Variants in CEP85L observed in about 807,000 individuals in gnomAD.
CEP85L encodes the protein centrosomal protein of 85 kDa-like.
In CEP85L, 60 loss-of-function variants were observed where a neutral mutation model predicts 100.3. The observed-to-expected ratio is 0.60, with a 90% confidence interval of 0.49 to 0.74. The LOEUF (loss-of-function observed/expected upper bound fraction) is 0.74, where lower values mean the gene tolerates loss of function less well. CEP85L is among the 30% of genes least tolerant of loss of function. The pLI is 0.00. For synonymous variants in CEP85L, 319 were observed against 322.7 expected, an observed-to-expected ratio of 0.99 and a Z score of 0.12; for missense variants, 973 against 936.2, an observed-to-expected ratio of 1.04 and a Z score of -0.51.
chr6:118,600,665 C>A (rs992334564), intron 2 of CEP85L, among the ~76,000 whole-genome samples: 1 of 151,656 alleles, frequency 6.6e-6, no homozygotes, highest in Admixed American at 6.6e-5. Flanking sequence ...AAGCTACCAA[C>A]CTGGTCCTTA....
At chr6:118,620,736 G>A (rs915414311) in intron 2 of CEP85L, among the ~76,000 whole-genome samples, 3 of 152,150 alleles carry the variant, frequency 2.0e-5, no homozygotes, top group Non-Finnish European at 4.4e-5. Context: ...GGTCTTCTCA[G>A]TGTTAATCTC....
At chr6:118,679,565 A>T (rs185653304) in intron 1 of CEP85L, among the ~76,000 whole-genome samples, 41 of 152,338 alleles carry the variant, frequency 2.7e-4, no homozygotes, top group Non-Finnish European at 4.4e-4. Context: ...AACATGTCTT[A>T]GTCATGTAGT....
chr6:118,706,411 T>A (rs1173104227), intron 1 of CEP85L, among the ~76,000 whole-genome samples: 1 of 152,194 alleles, frequency 6.6e-6, no homozygotes, highest in Non-Finnish European at 1.5e-5. Context: ...AAACCTACTC[T>A]AAGGTATTCT....
intron 1 of CEP85L, among the ~76,000 whole-genome samples, chr6:118,677,090 A>T (rs1434367359): frequency 6.6e-6 from 1 of 152,158 alleles, no homozygotes; most frequent in African/African-American, 2.4e-5. Context: ...GATCCTGGAA[A>T]TCAGGGTCCC....
intron 8 of CEP85L, among the ~76,000 whole-genome samples, chr6:118,481,127 T>C (rs1166892171): frequency 6.6e-6 from 1 of 152,060 alleles, no homozygotes; most frequent in East Asian, 1.9e-4. Flanking sequence ...GCTGTACCTT[T>C]TACTTGCAGT....
At chr6:118,707,763 T>TA (rs1562369905) in intron 1 of CEP85L, among the ~76,000 whole-genome samples, 1 of 152,170 alleles carries the variant, frequency 6.6e-6, no homozygotes, top group Non-Finnish European at 1.5e-5. Flanking sequence ...TTTTATGTAT[T>TA]AAAATAGGCA....
At chr6:118,704,723 G>A (rs983460520) in intron 1 of CEP85L, among the ~76,000 whole-genome samples, 10 of 151,970 alleles carry the variant, frequency 6.6e-5, no homozygotes, top group Non-Finnish European at 1.3e-4. Context: ...CTCCTGCCTC[G>A]GCCTCCCACA....
chr6:118,523,096 G>A lies in CEP85L; in HGVS notation c.1139+706C>T, dbSNP rs150375904. Among the ~76,000 whole-genome samples, 639 of 152,068 alleles carry A rather than the reference G, an allele frequency of 4.2e-3. 4 individuals are homozygous for A. Among genetic ancestry groups the A allele is most frequent in the Non-Finnish European group, 7.5e-3 (512 of 67,986 alleles). On this transcript the variant is annotated intron_variant, in intron 4 of 12. Transcript: ENST00000368491. Reference sequence around the variant, plus strand: ...CAAGCATATGAAAATAAGTAATTACGAGCACTGGTTAAGAAAAAAAGCCTC... The same window carrying A: ...CAAGCATATGAAAATAAGTAATTACAAGCACTGGTTAAGAAAAAAAGCCTC...
chr6:118,632,645 T>G, intron 1 of CEP85L, 34 bp from the exon 2 acceptor site: 1 of 1,564,644 alleles, frequency 6.4e-7, no homozygotes. Flanking sequence ...TTAACACATA[T>G]ATCTGAGTAG....
At chr6:118,476,628 A>C (rs1327075152) in intron 10 of CEP85L, among the ~76,000 whole-genome samples, 1 of 152,184 alleles carries the variant, frequency 6.6e-6, no homozygotes, top group Non-Finnish European at 1.5e-5. Flanking sequence ...TGAAGGATTT[A>C]TGAGATTTGC....
chr6:118,648,641 C>T (rs1775355384), intron 1 of CEP85L, among the ~76,000 whole-genome samples: 1 of 150,572 alleles, frequency 6.6e-6, no homozygotes, highest in South Asian at 2.1e-4. Flanking sequence ...ACTCGGGAGG[C>T]TGAGGCAGGA....
intron 2 of CEP85L, among the ~76,000 whole-genome samples, chr6:118,578,557 TGTCTCTACTA>T (rs1197230017): frequency 6.6e-6 from 1 of 151,900 alleles, no homozygotes. Flanking sequence ...TGGTGAAACT[TGTCTCTACTA>T]AAAATACAAA....
chr6:118,506,019 A>G (rs560736440), intron 5 of CEP85L, among the ~76,000 whole-genome samples: 1 of 152,342 alleles, frequency 6.6e-6, no homozygotes, highest in African/African-American at 2.4e-5. Context: ...GGTACTTCCC[A>G]TTCAATTTTG....
At chr6:118,546,347 T>A (rs1485556807) in intron 3 of CEP85L, among the ~76,000 whole-genome samples, 1 of 152,146 alleles carries the variant, frequency 6.6e-6, no homozygotes, top group Non-Finnish European at 1.5e-5. Context: ...CTTATAAACA[T>A]GTGGTAACTA....
At chr6:118,577,983 A>G (rs1248273718) in intron 2 of CEP85L, among the ~76,000 whole-genome samples, 2 of 152,322 alleles carry the variant, frequency 1.3e-5, no homozygotes, top group East Asian at 1.9e-4. Context: ...CCCTACTCAC[A>G]TAAGTTCGTA....
chr6:118,695,666 T>G (rs1026752649), intron 1 of CEP85L, among the ~76,000 whole-genome samples: 3 of 152,222 alleles, frequency 2.0e-5, no homozygotes, highest in African/African-American at 7.2e-5. Flanking sequence ...TTGCATTTTG[T>G]CTTATAGCTG....
intron 3 of CEP85L, among the ~76,000 whole-genome samples, chr6:118,555,513 C>A (rs1778808938): frequency 1.3e-5 from 2 of 151,346 alleles, no homozygotes; most frequent in South Asian, 4.2e-4. Flanking sequence ...AAGCAAATAT[C>A]AACATAAGCA....
At chr6:118,706,414 G>A (rs1371187020) in intron 1 of CEP85L, among the ~76,000 whole-genome samples, 1 of 152,082 alleles carries the variant, frequency 6.6e-6, no homozygotes, top group East Asian at 1.9e-4. Context: ...CCTACTCTAA[G>A]GTATTCTAAG....
intron 9 of CEP85L, 90 bp from the exon 10 acceptor site, chr6:118,480,011 T>G: frequency 2.8e-6 from 2 of 713,744 alleles, no homozygotes; most frequent in Middle Eastern, 2.5e-4. Context: ...CAGAAATTTA[T>G]AAATTTATTT....
Sources: allele counts gnomAD v4.1 joint callset (sites outside exome capture counted in the v4.1 genomes callset), GRCh38; gene constraint gnomAD v4.1.1; transcripts MANE v1.5; gene names NCBI Gene and HGNC (gene_info 2026-07-23, HGNC 2026-07-21).